Variants in FOXK2 observed in about 807,000 individuals in gnomAD.
FOXK2 encodes the protein forkhead box protein K2.
Under a neutral mutation model 53.3 loss-of-function variants are expected in FOXK2, and 24 were observed. That is an observed-to-expected ratio of 0.45 (90% CI 0.33 to 0.63). The LOEUF (loss-of-function observed/expected upper bound fraction) is 0.63, where lower values mean the gene tolerates loss of function less well. Ranked by LOEUF, FOXK2 falls within the 30% of genes least tolerant of loss-of-function variation. The pLI, the probability that FOXK2 is intolerant of heterozygous loss-of-function variation, is 0.03. For synonymous variants in FOXK2, 505 were observed against 407.1 expected, an observed-to-expected ratio of 1.24 and a Z score of -2.89; for missense variants, 952 against 910.5, an observed-to-expected ratio of 1.05 and a Z score of -0.59.
chr17:82,588,708 G>A (rs913541898), intron 8 of FOXK2, among the ~76,000 whole-genome samples: 2 of 152,082 alleles, frequency 1.3e-5, no homozygotes, highest in Non-Finnish European at 2.9e-5. Flanking sequence ...AGAGCCTCCG[G>A]TGCAGGTCAG....
chr17:82,533,565 C>T (rs986641670), intron 1 of FOXK2, among the ~76,000 whole-genome samples: 1 of 152,142 alleles, frequency 6.6e-6, no homozygotes, highest in South Asian at 2.1e-4. Context: ...ACATATTGTA[C>T]GCGATCGTAT....
At position 82,582,728 on chromosome 17, in the gene FOXK2, TTA is replaced by T; in HGVS notation, c.910-11_910-10del. On this transcript the variant is annotated splice_polypyrimidine_tract_variant and intron_variant, in intron 4 of 8. Coordinates refer to ENST00000335255, the MANE Select transcript of FOXK2 (RefSeq NM_004514.4). Reference sequence around the variant, plus strand: ...AAATATATGAATTCTACGTATTTTTTTATGTTTCATAGAATTCAATTCGCCAC... The same window carrying T: ...AAATATATGAATTCTACGTATTTTTTTGTTTCATAGAATTCAATTCGCCAC... 2.6e-6 allele frequency: 4 copies of T among 1,546,946 alleles called. No individual in the cohort carries two copies. The highest frequency in any genetic ancestry group is 3.5e-6 in the Non-Finnish European group (4 of 1,147,420).
chr17:82,523,831 C>A (rs1482446082), intron 1 of FOXK2, among the ~76,000 whole-genome samples: 1 of 152,032 alleles, frequency 6.6e-6, no homozygotes, highest in Non-Finnish European at 1.5e-5. Context: ...GATACAAGTT[C>A]TTTTTAAGTT....
intron 8 of FOXK2, among the ~76,000 whole-genome samples, chr17:82,595,048 G>A (rs970070637): frequency 6.6e-6 from 1 of 152,196 alleles, no homozygotes; most frequent in Non-Finnish European, 1.5e-5. Flanking sequence ...CACATAGTAA[G>A]TAAATGGAGG....
At chr17:82,570,267 CA>C (rs1191961579) in intron 3 of FOXK2, among the ~76,000 whole-genome samples, 3 of 151,974 alleles carry the variant, frequency 2.0e-5, no homozygotes, top group African/African-American at 7.3e-5. Context: ...CCAAGGTGGG[CA>C]TATCACTTGA....
chr17:82,520,353 G>C, intron 1 of FOXK2, 46 bp downstream of exon 1: 1 of 1,233,054 alleles, frequency 8.1e-7, no homozygotes, highest in Non-Finnish European at 1.0e-6. Flanking sequence ...GGCCTGCAGC[G>C]CCTGGCAGGA....
At chr17:82,583,088 C>G (rs928879036) in intron 5 of FOXK2, among the ~76,000 whole-genome samples, 154 bp downstream of exon 5, 1 of 152,086 alleles carries the variant, frequency 6.6e-6, no homozygotes, top group African/African-American at 2.4e-5. Context: ...TGGGTGCTGC[C>G]CAGGTGTTTC....
chr17:82,553,313 C>T (rs540049519), intron 1 of FOXK2, among the ~76,000 whole-genome samples: 21 of 152,356 alleles, frequency 1.4e-4, no homozygotes, highest in African/African-American at 4.3e-4. Context: ...ATCTGTGTCA[C>T]GGCAGAAAAG....
At chr17:82,528,909 C>T (rs1409099880) in intron 1 of FOXK2, among the ~76,000 whole-genome samples, 1 of 152,198 alleles carries the variant, frequency 6.6e-6, no homozygotes, top group Non-Finnish European at 1.5e-5. Context: ...GTGAGTCTGC[C>T]TCCTTCCCCT....
At chr17:82,577,461 C>T (rs946776229) in intron 4 of FOXK2, 7 of 348,062 alleles carry the variant, frequency 2.0e-5, no homozygotes, top group Admixed American at 9.8e-5. Flanking sequence ...GGCGGGCGGC[C>T]GGGTTAAGGT....
chr17:82,585,727 C>A (rs1182573290), intron 6 of FOXK2, among the ~76,000 whole-genome samples, 177 bp from the exon 7 acceptor site: 1 of 152,186 alleles, frequency 6.6e-6, no homozygotes, highest in Admixed American at 6.5e-5. Context: ...TTAAATACCC[C>A]TTTTAAAATA....
chr17:82,530,179 G>C (rs956437579), intron 1 of FOXK2, among the ~76,000 whole-genome samples: 1 of 152,060 alleles, frequency 6.6e-6, no homozygotes, highest in African/African-American at 2.4e-5. Context: ...ACTTTCATTT[G>C]GACAGATGGA....
At chr17:82,571,647 G>A in intron 3 of FOXK2, 77 bp from the exon 4 acceptor site, 1 of 1,367,556 alleles carries the variant, frequency 7.3e-7, no homozygotes, top group Non-Finnish European at 9.6e-7. Flanking sequence ...AAAGCACTGA[G>A]AATCTTTAAA....
intron 1 of FOXK2, among the ~76,000 whole-genome samples, chr17:82,543,774 C>CTT (rs59720257): frequency 2.6e-4 from 29 of 112,300 alleles, no homozygotes; most frequent in Non-Finnish European, 3.7e-4. Flanking sequence ...GCATGCTTAG[C>CTT]TTTTTTTTTT....
chr17:82,552,846 C>A (rs959993084), intron 1 of FOXK2, among the ~76,000 whole-genome samples: 12 of 152,172 alleles, frequency 7.9e-5, no homozygotes, highest in Admixed American at 7.2e-4. Context: ...TCAAGCGTCT[C>A]CGCGTGCTCT....
intron 6 of FOXK2, 144 bp downstream of exon 6, chr17:82,584,332 A>C (rs2045105820): frequency 1.2e-6 from 1 of 830,850 alleles, no homozygotes. Context: ...TAGGCCTTGG[A>C]AAACTAATAG....
intron 1 of FOXK2, among the ~76,000 whole-genome samples, chr17:82,550,013 A>G (rs2044661108): frequency 6.6e-6 from 1 of 152,154 alleles, no homozygotes; most frequent in East Asian, 1.9e-4. Context: ...GACCAGCTTC[A>G]GAAATACAGT....
At chr17:82,578,753 C>G (rs1342412491) in intron 4 of FOXK2, 1 of 152,134 alleles carries the variant, frequency 6.6e-6, no homozygotes, top group Non-Finnish European at 1.5e-5. Context: ...GGTTCTTTTA[C>G]GTTTTCAGGA....
intron 1 of FOXK2, among the ~76,000 whole-genome samples, chr17:82,534,993 C>T (rs1323388910): frequency 6.6e-6 from 1 of 152,214 alleles, no homozygotes; most frequent in Non-Finnish European, 1.5e-5. Context: ...GATTCTCCTG[C>T]CTCAGCCTTA....
Sources: gnomAD v4.1 joint callset for allele counts (sites outside exome capture counted in the v4.1 genomes callset) on GRCh38, gnomAD v4.1.1 for gene constraint, MANE v1.5 for transcripts, NCBI Gene and HGNC (gene_info 2026-07-23, HGNC 2026-07-21) for gene names.